ZBTB7C: variants seen among roughly 807,000 people sequenced by gnomAD.
The protein encoded by ZBTB7C is zinc finger and BTB domain-containing protein 7C.
Under a neutral mutation model 25.7 loss-of-function variants are expected in ZBTB7C, and 8 were observed. The ratio of observed to expected loss-of-function variants is 0.31; its 90% CI spans 0.18 to 0.56. The LOEUF (loss-of-function observed/expected upper bound fraction) is 0.56. ZBTB7C is among the 20% of genes least tolerant of loss of function. The pLI, the probability that ZBTB7C is intolerant of heterozygous loss-of-function variation, is 0.91. For synonymous variants in ZBTB7C, 394 were observed against 369.0 expected, an observed-to-expected ratio of 1.07 and a Z score of -0.78; for missense variants, 824 against 855.2, an observed-to-expected ratio of 0.96 and a Z score of 0.46.
chr18:48,092,576 C>T (rs1263835790), intron 3 of ZBTB7C, among the ~76,000 whole-genome samples: 4 of 152,190 alleles, frequency 2.6e-5, no homozygotes. Flanking sequence ...GGATTTTGCA[C>T]TCAAATACGC....
intron 2 of ZBTB7C, among the ~76,000 whole-genome samples, chr18:48,208,753 C>T (rs1177184038): frequency 6.6e-6 from 1 of 152,234 alleles, no homozygotes; most frequent in African/African-American, 2.4e-5. Context: ...CTCTGTGTGG[C>T]AGAAGGATGG....
chr18:48,066,981 A>G (rs1222177013), intron 3 of ZBTB7C, among the ~76,000 whole-genome samples: 1 of 152,224 alleles, frequency 6.6e-6, no homozygotes, highest in East Asian at 1.9e-4. Context: ...GTGTGCCTGT[A>G]GTCCCAGCTA....
In ZBTB7C at chr18:48,027,004, C is replaced by T. The variant is rs2144031041; in HGVS notation, c.*2256G>A. On this transcript the variant is annotated 3_prime_UTR_variant, in exon 5 of 5. Coordinates refer to ENST00000590800, the MANE Select transcript of ZBTB7C (RefSeq NM_001318841.2). ...TTGTCCCTTGAATCACTAAGGCAAA[C>T]TTTGTTGAGTGTCATTTTACGTAGA... is the stretch of plus-strand genomic sequence containing the variant. 1 of 150,682 alleles carries T rather than the reference C, an allele frequency of 6.6e-6. No individual in the cohort carries two copies. Among genetic ancestry groups the T allele is most frequent in the South Asian group, 2.1e-4 (1 of 4,768 alleles). 9.3% of individuals were successfully genotyped at this position (150,682 alleles called of 1,614,324 possible).
chr18:48,182,318 T>C (rs903606666), intron 3 of ZBTB7C, among the ~76,000 whole-genome samples: 2 of 152,176 alleles, frequency 1.3e-5, no homozygotes, highest in African/African-American at 2.4e-5. Flanking sequence ...GGGAGCTTGC[T>C]TGCAAGAGAA....
chr18:48,227,119 G>T (rs2043123211), intron 2 of ZBTB7C, among the ~76,000 whole-genome samples: 2 of 151,878 alleles, frequency 1.3e-5, no homozygotes, highest in South Asian at 2.1e-4. Flanking sequence ...CTACCAACCT[G>T]CCTCTTCTCA....
At chr18:48,068,263 C>T (rs919354964) in intron 3 of ZBTB7C, among the ~76,000 whole-genome samples, 6 of 151,622 alleles carry the variant, frequency 4.0e-5, no homozygotes, top group East Asian at 2.0e-4. Context: ...CTCAGCCTCC[C>T]GAGTAGCTGG....
At chr18:48,264,230 A>G (rs1187059124) in intron 2 of ZBTB7C, among the ~76,000 whole-genome samples, 2 of 152,218 alleles carry the variant, frequency 1.3e-5, no homozygotes, top group African/African-American at 4.8e-5. Context: ...GCTAACATCA[A>G]TTACAGTCAG....
At chr18:48,141,151 C>G (rs112916841) in intron 3 of ZBTB7C, among the ~76,000 whole-genome samples, 2,456 of 145,494 alleles carry the variant, frequency 0.017, 107 homozygotes, top group African/African-American at 0.059. Flanking sequence ...GCACCACCCC[C>G]CCCACTGTTC....
chr18:48,116,959 C>T (rs2039461263), intron 3 of ZBTB7C, among the ~76,000 whole-genome samples: 1 of 152,082 alleles, frequency 6.6e-6, no homozygotes, highest in Non-Finnish European at 1.5e-5. Flanking sequence ...TTCCTAGCTC[C>T]CACGGCACTT....
intron 3 of ZBTB7C, among the ~76,000 whole-genome samples, chr18:48,175,542 A>T (rs929969799): frequency 3.3e-5 from 5 of 152,218 alleles, no homozygotes; most frequent in Non-Finnish European, 5.9e-5. Flanking sequence ...ATGGATGTAT[A>T]GGTGTATGGA....
chr18:48,040,103 G>A lies in ZBTB7C; in HGVS notation c.1005C>T (p.Leu335=), dbSNP rs771731353. The A allele has an allele frequency of 6.2e-7, 1 of 1,607,888 alleles. No individual in the cohort carries two copies. Among genetic ancestry groups the A allele is most frequent in the East Asian group, 2.2e-5 (1 of 44,848 alleles). ...IKAENDYGAY[L]NFLSATHLGG... is the part of the protein sequence containing the mutation. ...CCAGGTGGGTGGCACTCAGGAAGTT[G>A]AGATAGGCACCGTAGTCGTTCTCCG... is the stretch of plus-strand genomic sequence containing the variant. The change falls in exon 4 of 5, where the codon CTC becomes CTT. Residue 335 remains leucine, a synonymous_variant. Coordinates refer to ENST00000590800, the MANE Select transcript of ZBTB7C (RefSeq NM_001318841.2).
At chr18:48,204,573 T>C (rs1159210117) in intron 2 of ZBTB7C, among the ~76,000 whole-genome samples, 2 of 152,156 alleles carry the variant, frequency 1.3e-5, no homozygotes, top group Admixed American at 6.5e-5. Flanking sequence ...GAGACATTCC[T>C]TCCCTTCATG....
chr18:48,235,733 A>AC (rs1568321548), intron 2 of ZBTB7C, among the ~76,000 whole-genome samples: 1 of 152,010 alleles, frequency 6.6e-6, no homozygotes, highest in East Asian at 1.9e-4. Context: ...TTGATACATT[A>AC]CCCCCCGCCT....
At chr18:48,221,226 C>T (rs2042946089) in intron 2 of ZBTB7C, among the ~76,000 whole-genome samples, 1 of 151,372 alleles carries the variant, frequency 6.6e-6, no homozygotes, top group Admixed American at 6.6e-5. Flanking sequence ...TCCTTGTCTC[C>T]TCTATACTGT....
intron 2 of ZBTB7C, among the ~76,000 whole-genome samples, chr18:48,257,405 A>G (rs1230358972): frequency 1.3e-5 from 2 of 152,172 alleles, no homozygotes; most frequent in Non-Finnish European, 2.9e-5. Flanking sequence ...TAAGGTAATT[A>G]AATGTGTACT....
intron 2 of ZBTB7C, among the ~76,000 whole-genome samples, chr18:48,200,806 G>A (rs773949285): frequency 2.6e-5 from 4 of 152,214 alleles, no homozygotes; most frequent in Non-Finnish European, 4.4e-5. Context: ...AGCCTCTGGC[G>A]GAGCAGAAAG....
At chr18:48,385,279 A>ATTTTTCTG (rs2145225946) in intron 1 of ZBTB7C, among the ~76,000 whole-genome samples, 1 of 152,086 alleles carries the variant, frequency 6.6e-6, no homozygotes, top group East Asian at 1.9e-4. Context: ...TAGAGTCAAT[A>ATTTTTCTG]TTTTTCTGTT....
At chr18:48,310,171 A>G (rs960093332) in intron 2 of ZBTB7C, among the ~76,000 whole-genome samples, 12 of 152,010 alleles carry the variant, frequency 7.9e-5, no homozygotes, top group African/African-American at 2.9e-4. Flanking sequence ...CGGAACTTGC[A>G]GTGAGCCGAG....
intron 2 of ZBTB7C, among the ~76,000 whole-genome samples, chr18:48,290,596 C>G (rs2045194979): frequency 6.6e-6 from 1 of 152,186 alleles, no homozygotes; most frequent in Admixed American, 6.5e-5. Context: ...GGGTTGGGGA[C>G]AGACTGTGCT....
Sources: allele counts gnomAD v4.1 joint callset (sites outside exome capture counted in the v4.1 genomes callset), GRCh38; gene constraint gnomAD v4.1.1; transcripts MANE v1.5; gene names NCBI Gene and HGNC (gene_info 2026-07-23, HGNC 2026-07-21).